Variants in SUCLG2 observed in about 807,000 individuals in gnomAD.
The protein encoded by SUCLG2 is succinate--CoA ligase [GDP-forming] subunit beta, mitochondrial.
In SUCLG2, 42 loss-of-function variants were observed where a neutral mutation model predicts 47.9. That is an observed-to-expected ratio of 0.88 (90% CI 0.69 to 1.14). The LOEUF (loss-of-function observed/expected upper bound fraction) is 1.14. SUCLG2 is among the 50% of genes most tolerant of loss of function. The pLI, the probability that SUCLG2 is intolerant of heterozygous loss-of-function variation, is 0.00. For synonymous variants in SUCLG2, 195 were observed against 197.3 expected, an observed-to-expected ratio of 0.99 and a Z score of 0.10; for missense variants, 571 against 525.9, an observed-to-expected ratio of 1.09 and a Z score of -0.84.
At chr3:67,412,678 C>T (rs889543759) in intron 9 of SUCLG2, among the ~76,000 whole-genome samples, 2 of 152,172 alleles carry the variant, frequency 1.3e-5, no homozygotes, top group Non-Finnish European at 2.9e-5. Context: ...GTCTTCATTA[C>T]AGGATATTCT....
intron 9 of SUCLG2, among the ~76,000 whole-genome samples, chr3:67,488,317 T>C (rs1009264150): frequency 6.6e-6 from 1 of 152,144 alleles, no homozygotes; most frequent in African/African-American, 2.4e-5. Context: ...GTTGCTCGTT[T>C]AGGAATGAGA....
chr3:67,482,857 T>C (rs1174111914), intron 9 of SUCLG2, among the ~76,000 whole-genome samples: 1 of 152,182 alleles, frequency 6.6e-6, no homozygotes, highest in Non-Finnish European at 1.5e-5. Flanking sequence ...CTGCTTGCTG[T>C]TTACGATCTT....
At chr3:67,451,323 T>A (rs1704050672) in intron 9 of SUCLG2, among the ~76,000 whole-genome samples, 1 of 152,342 alleles carries the variant, frequency 6.6e-6, no homozygotes, top group East Asian at 1.9e-4. Flanking sequence ...AATAAATGAA[T>A]CGATATTTGC....
intron 1 of SUCLG2, among the ~76,000 whole-genome samples, chr3:67,614,089 AAT>A (rs1181837693): frequency 6.6e-6 from 1 of 152,140 alleles, no homozygotes; most frequent in Non-Finnish European, 1.5e-5. Flanking sequence ...TGACCCTAAA[AAT>A]AACATCTTTG....
intron 9 of SUCLG2, among the ~76,000 whole-genome samples, chr3:67,429,690 A>G (rs1450157721): frequency 6.6e-6 from 1 of 152,178 alleles, no homozygotes; most frequent in Non-Finnish European, 1.5e-5. Flanking sequence ...TCAGTGTCCT[A>G]TATTCAGGAG....
chr3:67,579,537 A>G (rs1361461128), intron 2 of SUCLG2, among the ~76,000 whole-genome samples: 1 of 152,210 alleles, frequency 6.6e-6, no homozygotes, highest in Non-Finnish European at 1.5e-5. Flanking sequence ...ACAGATGTTA[A>G]TAAGCTTACT....
At chr3:67,590,410 A>G (rs919575796) in intron 2 of SUCLG2, among the ~76,000 whole-genome samples, 4 of 152,024 alleles carry the variant, frequency 2.6e-5, no homozygotes, top group African/African-American at 9.7e-5. Flanking sequence ...GTAATTCCCA[A>G]TGTTGGAGGT....
intron 9 of SUCLG2, among the ~76,000 whole-genome samples, chr3:67,487,637 A>C (rs918868749): frequency 6.6e-6 from 1 of 152,146 alleles, no homozygotes; most frequent in South Asian, 2.1e-4. Flanking sequence ...TGAATAGAAG[A>C]AAAAGAATTT....
intron 9 of SUCLG2, among the ~76,000 whole-genome samples, chr3:67,421,150 G>C (rs1703148295): frequency 6.6e-6 from 1 of 151,990 alleles, no homozygotes; most frequent in African/African-American, 2.4e-5. Context: ...ATTTCAATCT[G>C]GGCCCATCTG....
At chr3:67,576,778 C>A (rs537318678) in intron 2 of SUCLG2, among the ~76,000 whole-genome samples, 1 of 152,128 alleles carries the variant, frequency 6.6e-6, no homozygotes, top group Non-Finnish European at 1.5e-5. Flanking sequence ...GGGTTGGAGG[C>A]GAAAAGCATG....
intron 9 of SUCLG2, among the ~76,000 whole-genome samples, chr3:67,454,961 C>CAAAAAAAAAA (rs61683854): frequency 3.0e-4 from 34 of 111,590 alleles, no homozygotes; most frequent in African/African-American, 5.4e-4. Context: ...GACTCCGTCT[C>CAAAAAAAAAA]AAAAAAAAAA....
chr3:67,584,554 T>C (rs1341600821), intron 2 of SUCLG2, among the ~76,000 whole-genome samples: 2 of 152,218 alleles, frequency 1.3e-5, no homozygotes, highest in African/African-American at 4.8e-5. Context: ...ATTCATGTTG[T>C]TGAATGTATT....
intron 9 of SUCLG2, among the ~76,000 whole-genome samples, chr3:67,494,051 A>T (rs142628136): frequency 6.6e-6 from 1 of 152,204 alleles, no homozygotes; most frequent in Non-Finnish European, 1.5e-5. Flanking sequence ...AAGAAAAGAC[A>T]AGCAAAAACA....
intron 1 of SUCLG2, among the ~76,000 whole-genome samples, chr3:67,648,058 A>G (rs528080539): frequency 1.3e-5 from 2 of 152,210 alleles, no homozygotes; most frequent in African/African-American, 2.4e-5. Flanking sequence ...TCCTGGGCCC[A>G]CCATCGGGTC....
intron 9 of SUCLG2, among the ~76,000 whole-genome samples, chr3:67,432,604 T>C (rs1244500880): frequency 6.6e-6 from 1 of 152,216 alleles, no homozygotes; most frequent in Non-Finnish European, 1.5e-5. Flanking sequence ...CCTTAGAAGC[T>C]TCATTTAAGA....
intron 2 of SUCLG2, among the ~76,000 whole-genome samples, chr3:67,559,912 G>A (rs1048117756): frequency 8.6e-5 from 13 of 150,804 alleles, no homozygotes; most frequent in Admixed American, 4.0e-4. Context: ...TTCATCAATC[G>A]TAATGAATGT....
intron 9 of SUCLG2, among the ~76,000 whole-genome samples, chr3:67,483,197 G>A (rs776690777): frequency 6.6e-6 from 1 of 151,740 alleles, no homozygotes; most frequent in Non-Finnish European, 1.5e-5. Context: ...CCCAAATTAG[G>A]GTAAAGTTGC....
intron 9 of SUCLG2, among the ~76,000 whole-genome samples, chr3:67,486,347 T>C (rs956916653): frequency 5.3e-5 from 8 of 152,186 alleles, no homozygotes; most frequent in Non-Finnish European, 2.9e-5. Flanking sequence ...ATATAATCTA[T>C]GAAAAGCTGC....
intron 9 of SUCLG2, among the ~76,000 whole-genome samples, chr3:67,432,665 TG>T (rs1332837921): frequency 2.0e-5 from 3 of 152,204 alleles, no homozygotes; most frequent in Non-Finnish European, 4.4e-5. Flanking sequence ...TCATCCAACA[TG>T]GTGACCCCGA....
Sources: gnomAD v4.1 joint callset for allele counts (sites outside exome capture counted in the v4.1 genomes callset) on GRCh38, gnomAD v4.1.1 for gene constraint, MANE v1.5 for transcripts, NCBI Gene and HGNC (gene_info 2026-07-23, HGNC 2026-07-21) for gene names.